Variants in P2RY8 observed in about 807,000 individuals in gnomAD.
P2RY8 encodes the protein P2Y receptor family member 8.
Under a neutral mutation model 10.0 loss-of-function variants are expected in P2RY8, and 6 were observed. The ratio of observed to expected loss-of-function variants is 0.60; its 90% CI spans 0.33 to 1.19. The LOEUF (loss-of-function observed/expected upper bound fraction) is 1.19. P2RY8 is among the 50% of genes most tolerant of loss of function. The pLI is 0.04. For synonymous variants in P2RY8, 276 were observed against 252.5 expected, an observed-to-expected ratio of 1.09 and a Z score of -0.88; for missense variants, 456 against 542.0, an observed-to-expected ratio of 0.84 and a Z score of 1.58.
intron 1 of P2RY8, among the ~76,000 whole-genome samples, chrX:1,515,517 G>A (rs772390266): frequency 4.0e-4 from 60 of 151,332 alleles, no homozygotes; most frequent in African/African-American, 1.4e-3. Context: ...GACTACAGGT[G>A]CCCGCCATCA....
At chrX:1,494,266 C>G (rs1402726352) in intron 1 of P2RY8, 1 of 152,270 alleles carries the variant, frequency 6.6e-6, no homozygotes, top group East Asian at 1.9e-4. Flanking sequence ...CAGCTCTCTG[C>G]TCTGCTGGGA....
chrX:1,521,034 C>CTTTTTTTTTT (rs1163534557), intron 1 of P2RY8, among the ~76,000 whole-genome samples: 3 of 61,040 alleles, frequency 4.9e-5, no homozygotes, highest in African/African-American at 1.4e-4. Flanking sequence ...TTTTTCTTTT[C>CTTTTTTTTTT]TTTTTTTTTT....
rs1210306315 is a variant in P2RY8, at chrX:1,465,766, G to A, written c.793C>T (p.Leu265=). The A allele has an allele frequency of 5.0e-6, 8 of 1,613,610 alleles. No individual in the cohort carries two copies. Among genetic ancestry groups the A allele is most frequent in the South Asian group, 4.4e-5 (4 of 91,082 alleles). ...FVLLAHIVSR[L]FYGKSYYHVY... ...TGGTAGTAGCTCTTGCCGTAGAACA[G>A]GCGGCTCACGATGTGCGCCAGGAGC... The change falls in exon 2 of 2, where the codon CTG becomes TTG. Residue 265 remains leucine (L), a synonymous_variant. Coordinates refer to ENST00000381297, the MANE Select transcript of P2RY8 (RefSeq NM_178129.5).
intron 1 of P2RY8, among the ~76,000 whole-genome samples, chrX:1,523,279 G>A (rs1877422996): frequency 6.6e-6 from 1 of 151,914 alleles, no homozygotes; most frequent in Admixed American, 6.6e-5. Context: ...AGCAAAATGG[G>A]GATGTCAGCA....
At chrX:1,495,957 T>G (rs1297269111) in intron 1 of P2RY8, among the ~76,000 whole-genome samples, 2 of 138,504 alleles carry the variant, frequency 1.4e-5, no homozygotes, top group Non-Finnish European at 1.6e-5. Flanking sequence ...GAGAAGTCGA[T>G]GTCTCTAAGT....
chrX:1,508,709 T>A (rs1376883520), intron 1 of P2RY8, among the ~76,000 whole-genome samples: 2 of 8,180 alleles, frequency 2.4e-4, no homozygotes, highest in African/African-American at 3.4e-4. Flanking sequence ...ATCCATTCTA[T>A]CTATCTATCT....
intron 1 of P2RY8, among the ~76,000 whole-genome samples, chrX:1,470,412 G>A: frequency 6.6e-6 from 1 of 152,198 alleles, no homozygotes; most frequent in South Asian, 2.1e-4. Flanking sequence ...CTACTCCAGA[G>A]GCTAAGGCAG....
chrX:1,527,462 C>T (rs1323541216), intron 1 of P2RY8, among the ~76,000 whole-genome samples: 1 of 152,092 alleles, frequency 6.6e-6, no homozygotes, highest in African/African-American at 2.4e-5. Flanking sequence ...TCCACTCATC[C>T]ATCCATCCGT....
chrX:1,517,786 C>T (rs1161364079), intron 1 of P2RY8, among the ~76,000 whole-genome samples: 1 of 152,136 alleles, frequency 6.6e-6, no homozygotes. Flanking sequence ...CCCCAATATT[C>T]TCCCTGGTCC....
At chrX:1,524,277 C>T (rs1404638334) in intron 1 of P2RY8, among the ~76,000 whole-genome samples, 8 of 152,034 alleles carry the variant, frequency 5.3e-5, no homozygotes, top group South Asian at 2.1e-4. Flanking sequence ...CTCTCTTCTG[C>T]GGATCCACTC....
chrX:1,467,860 G>A (rs1220053715), intron 1 of P2RY8, among the ~76,000 whole-genome samples: 2 of 150,328 alleles, frequency 1.3e-5, no homozygotes, highest in Middle Eastern at 3.2e-3. Context: ...TTTATTTTTT[G>A]TAGATACAGA....
At chrX:1,529,157 G>T (rs1319240951) in intron 1 of P2RY8, among the ~76,000 whole-genome samples, 6 of 152,144 alleles carry the variant, frequency 3.9e-5, no homozygotes, top group Non-Finnish European at 1.5e-5. Context: ...TTTCCCCTGA[G>T]ACCTGACCTG....
intron 1 of P2RY8, among the ~76,000 whole-genome samples, chrX:1,475,303 G>T (rs1166282961): frequency 6.6e-5 from 10 of 151,842 alleles, no homozygotes; most frequent in Admixed American, 1.3e-4. Context: ...GGGTAGATGG[G>T]TGGATGGATG....
chrX:1,510,367 C>T (rs1228915491), intron 1 of P2RY8, among the ~76,000 whole-genome samples: 18 of 152,230 alleles, frequency 1.2e-4, no homozygotes, highest in South Asian at 2.1e-4. Flanking sequence ...AGCAGCTGAA[C>T]GAGCCCTGGC....
chrX:1,481,644 G>C (rs756065980), intron 1 of P2RY8, among the ~76,000 whole-genome samples: 2 of 143,570 alleles, frequency 1.4e-5, no homozygotes, highest in South Asian at 4.2e-4. Flanking sequence ...TCCAGCTTTG[G>C]GTTTAGTGGA....
At chrX:1,491,872 A>AATGAATGAATGC (rs1163426655) in intron 1 of P2RY8, among the ~76,000 whole-genome samples, 6 of 152,126 alleles carry the variant, frequency 3.9e-5, no homozygotes, top group African/African-American at 9.7e-5. Flanking sequence ...CAAATGAGTA[A>AATGAATGAATGC]ATGAATGAAT....
chrX:1,506,121 T>G (rs2092230710), intron 1 of P2RY8, among the ~76,000 whole-genome samples: 1 of 151,646 alleles, frequency 6.6e-6, no homozygotes, highest in Admixed American at 6.6e-5. Context: ...GCCTCCCTAG[T>G]AGCTGGGATT....
chrX:1,532,104 G>A (rs1195407905), intron 1 of P2RY8, among the ~76,000 whole-genome samples: 22 of 151,090 alleles, frequency 1.5e-4, no homozygotes, highest in Non-Finnish European at 3.1e-4. Context: ...AAGATACTTA[G>A]AGGAAAGTAA....
chrX:1,514,398 CT>C (rs1300758442), intron 1 of P2RY8, among the ~76,000 whole-genome samples: 1 of 93,834 alleles, frequency 1.1e-5, no homozygotes, highest in African/African-American at 4.6e-5. Context: ...CTTCCCTTCC[CT>C]TTCCTCCCCT....
Sources: allele counts gnomAD v4.1 joint callset (sites outside exome capture counted in the v4.1 genomes callset), GRCh38; gene constraint gnomAD v4.1.1; transcripts MANE v1.5; gene names NCBI Gene and HGNC (gene_info 2026-07-23, HGNC 2026-07-21).